NDE1: variants seen among roughly 807,000 people sequenced by gnomAD.
NDE1 encodes the protein nuclear distribution protein nudE homolog 1.
Under a neutral mutation model 43.4 loss-of-function variants are expected in NDE1, and 28 were observed. The observed-to-expected ratio is 0.65, with a 90% confidence interval of 0.48 to 0.89. The LOEUF (loss-of-function observed/expected upper bound fraction) is 0.89. Among genes scored for constraint, NDE1 ranks in the 40% least tolerant of loss-of-function variants. NDE1 has a pLI of 0.00. For synonymous variants in NDE1, 184 were observed against 172.0 expected (o/e 1.07, Z -0.55); for missense variants, 441 against 434.1 (o/e 1.02, Z -0.14).
At chr16:15,723,695 C>A (rs1206428897) in intron 8 of NDE1, among the ~76,000 whole-genome samples, 1 of 152,092 alleles carries the variant, frequency 6.6e-6, no homozygotes, top group Non-Finnish European at 1.5e-5. Context: ...ATGACTGAAT[C>A]CAGGTGGTGG....
Position 15,674,391 on chromosome 16 carries a change from C to T in NDE1, c.238-3410C>T, listed in dbSNP as rs1021231944. On this transcript the variant is annotated intron_variant, in intron 3 of 8. Transcript: ENST00000396354. ...CCCGAGTGGCTGGGATTATAGACAA[C>T]GCACCACCACACTCGGCTAATTTTT... 5.3e-5 allele frequency among the ~76,000 whole-genome samples: 8 copies of T among 151,964 alleles called. No homozygotes were observed. The South Asian group carries it at 8.3e-4, about 16-fold the overall frequency.
At chr16:15,674,743 A>C in intron 3 of NDE1, among the ~76,000 whole-genome samples, 1 of 151,860 alleles carries the variant, frequency 6.6e-6, no homozygotes, top group East Asian at 1.9e-4. Flanking sequence ...GCTGGGTCTC[A>C]CTCTGTTGCC....
At position 15,721,692 on chromosome 16, in the gene NDE1, T is replaced by C. The variant is rs991634412; in HGVS notation, c.948-2499T>C. On this transcript the variant is annotated intron_variant, in intron 8 of 8. Transcript: ENST00000396354. ...CATATCCGGGGTCAGCGTCACTGAA[T>C]TGTAAATACCGGGGGAAGCCCTGTG... 1.6e-5 allele frequency: 25 copies of C among 1,575,294 alleles called. No homozygotes were observed. In the Admixed American group the frequency reaches 1.8e-4, roughly 12 times the overall value.
In NDE1 at chr16:15,662,938, C is replaced by T. The variant is rs147251270; in HGVS notation, c.-43-1798C>T. On this transcript the variant is annotated intron_variant, in intron 1 of 8. Transcript: ENST00000396354. ...GCTCCCCATCTTAGGCCTTGTCCTTCCTCTGCCTGTCCATGGCCACCAGGA... is the reference window on the plus strand; with the variant it reads ...GCTCCCCATCTTAGGCCTTGTCCTTTCTCTGCCTGTCCATGGCCACCAGGA... 2.8e-3 allele frequency among the ~76,000 whole-genome samples: 420 copies of T among 152,260 alleles called. 6 individuals carry two copies. The highest frequency in any genetic ancestry group is 0.01 in the Middle Eastern group (3 of 294).
At chr16:15,693,369 G>A (rs2038847673) in intron 6 of NDE1, among the ~76,000 whole-genome samples, 1 of 152,158 alleles carries the variant, frequency 6.6e-6, no homozygotes, top group African/African-American at 2.4e-5. Context: ...TTGGAGAAGA[G>A]AGGCTCTGCA....
At chr16:15,699,782 C>T (rs117687000) in intron 8 of NDE1, 19,969 of 1,351,540 alleles carry the variant, frequency 0.015, 211 homozygotes, top group East Asian at 0.029. Flanking sequence ...TCTTCATCGC[C>T]GCTGCCGTCA....
intron 8 of NDE1, chr16:15,712,895 T>TTTTTTTTTTTTTTTTG (rs1567680276): frequency 6.7e-6 from 1 of 148,746 alleles, no homozygotes; most frequent in African/African-American, 2.5e-5. Context: ...TTTTTTTTTT[T>TTTTTTTTTTTTTTTTG]GAGACCGAGT....
In NDE1 at chr16:15,725,205, A is replaced by G; in HGVS notation, c.*954A>G. On this transcript the variant is annotated 3_prime_UTR_variant, in exon 9 of 9. Coordinates refer to ENST00000396354, the MANE Select transcript of NDE1 (RefSeq NM_017668.3). ...TGGCTTGAAGGGAACTCCGTCACCT[A>G]TGAGTTGGGACCCTGGCCCTAGACT... The G allele has an allele frequency of 1.6e-6, 1 of 616,236 alleles. No homozygotes were observed. The allele number at this position is 616,236 out of a possible 1,614,324, so 38.2% of individuals were successfully genotyped here.
intron 8 of NDE1, among the ~76,000 whole-genome samples, chr16:15,707,045 G>A (rs2039495170): frequency 6.6e-6 from 1 of 151,994 alleles, no homozygotes; most frequent in Non-Finnish European, 1.5e-5. Flanking sequence ...GGAGAATCTG[G>A]AATTTTTTTT....
chr16:15,699,678 C>T, intron 8 of NDE1: 6 of 1,326,464 alleles, frequency 4.5e-6, no homozygotes, highest in Non-Finnish European at 5.9e-6. Context: ...CGGTGCTAGC[C>T]AGTTTGTCAC....
intron 3 of NDE1, among the ~76,000 whole-genome samples, chr16:15,668,518 G>T (rs1429723428): frequency 6.6e-6 from 1 of 152,124 alleles, no homozygotes; most frequent in African/African-American, 2.4e-5. Flanking sequence ...TCCTGCCTTG[G>T]CCTCCCAAAT....
At chr16:15,652,379 G>A (rs2036545784) in intron 1 of NDE1, among the ~76,000 whole-genome samples, 1 of 152,162 alleles carries the variant, frequency 6.6e-6, no homozygotes, top group African/African-American at 2.4e-5. Context: ...TGTGAGCCGA[G>A]AATTGACACT....
At chr16:15,684,870 C>A (rs1042934980) in intron 4 of NDE1, among the ~76,000 whole-genome samples, 1 of 152,178 alleles carries the variant, frequency 6.6e-6, no homozygotes, top group Non-Finnish European at 1.5e-5. Flanking sequence ...CAGTAGCATA[C>A]TATTCTTCAT....
chr16:15,696,181 T>A (rs1017340434), intron 7 of NDE1, among the ~76,000 whole-genome samples: 2 of 150,434 alleles, frequency 1.3e-5, no homozygotes, highest in African/African-American at 2.5e-5. Context: ...TTTTAAAAAA[T>A]TTTTCGTAAT....
At chr16:15,673,087 G>C (rs2037683583) in intron 3 of NDE1, among the ~76,000 whole-genome samples, 1 of 152,188 alleles carries the variant, frequency 6.6e-6, no homozygotes, top group African/African-American at 2.4e-5. Flanking sequence ...TCTAGCAACG[G>C]CTTTGTTTAC....
chr16:15,698,721 C>T (rs1434410321), intron 8 of NDE1, among the ~76,000 whole-genome samples: 1 of 151,956 alleles, frequency 6.6e-6, no homozygotes, highest in Non-Finnish European at 1.5e-5. Context: ...ATTAGCCGGG[C>T]ATGGTCGCGG....
chr16:15,706,712 AAAC>A (rs1419444215), intron 8 of NDE1, among the ~76,000 whole-genome samples: 5 of 152,110 alleles, frequency 3.3e-5, no homozygotes, highest in African/African-American at 9.7e-5. Flanking sequence ...CCAAAAAAAA[AAAC>A]AAAAAAAAAT....
chr16:15,698,046 C>T (rs562230752), intron 8 of NDE1, among the ~76,000 whole-genome samples: 16 of 152,216 alleles, frequency 1.1e-4, no homozygotes, highest in African/African-American at 3.9e-4. Flanking sequence ...TTGTGATCCA[C>T]CCACCTCGGC....
chr16:15,694,799 C>T (rs1052119789), intron 7 of NDE1: 236 of 985,360 alleles, frequency 2.4e-4, no homozygotes, highest in Non-Finnish European at 2.6e-4. Flanking sequence ...TTCCTTTTAC[C>T]GTTTTTCCTC....
Sources: gnomAD v4.1 joint callset for allele counts (sites outside exome capture counted in the v4.1 genomes callset) on GRCh38, gnomAD v4.1.1 for gene constraint, MANE v1.5 for transcripts, NCBI Gene and HGNC (gene_info 2026-07-23, HGNC 2026-07-21) for gene names.